Variants in GAB1 observed in about 807,000 individuals in gnomAD.
GAB1 encodes the protein GRB2-associated-binding protein 1.
GAB1 carries 19 observed loss-of-function variants against 66.5 expected under a neutral mutation model. The ratio of observed to expected loss-of-function variants is 0.29; its 90% CI spans 0.20 to 0.42. The LOEUF (loss-of-function observed/expected upper bound fraction) is 0.42. Among genes scored for constraint, GAB1 ranks in the 10% least tolerant of loss-of-function variants. The pLI, the probability that GAB1 is intolerant of heterozygous loss-of-function variation, is 1.00. For missense variants in GAB1, 732 were observed against 858.5 expected (o/e 0.85, Z 1.84); for synonymous variants, 294 against 301.4 (o/e 0.98, Z 0.25).
At chr4:143,452,236 C>T (rs565457331) in intron 6 of GAB1, among the ~76,000 whole-genome samples, 2 of 152,206 alleles carry the variant, frequency 1.3e-5, no homozygotes, top group East Asian at 1.9e-4. Flanking sequence ...AGCCACTGTG[C>T]GTGGCCTGCA....
At chr4:143,345,885 G>T (rs536476649) in intron 1 of GAB1, among the ~76,000 whole-genome samples, 78 of 152,288 alleles carry the variant, frequency 5.1e-4, no homozygotes, top group African/African-American at 1.8e-3. Context: ...AACTCATTTT[G>T]TTGTAGTTTT....
intron 1 of GAB1, among the ~76,000 whole-genome samples, chr4:143,373,868 A>ATATATATATATATATATATATATAT (rs1560725949): frequency 0.01 from 978 of 93,352 alleles, 85 homozygotes; most frequent in South Asian, 0.016. Flanking sequence ...TAAATAAATA[A>ATATATATATATATATATATATATAT]ATATATATAT....
chr4:143,460,216 T>G, intron 7 of GAB1, 148 bp from the exon 8 acceptor site: 1 of 642,866 alleles, frequency 1.6e-6, no homozygotes, highest in Non-Finnish European at 2.6e-6. Context: ...ACACAAAAAT[T>G]ACATCATTAT....
intron 3 of GAB1, among the ~76,000 whole-genome samples, chr4:143,437,304 A>G (rs1310336022): frequency 6.6e-6 from 1 of 152,190 alleles, no homozygotes; most frequent in Non-Finnish European, 1.5e-5. Flanking sequence ...ATTTTGTGAT[A>G]CCTCAAAATG....
At chr4:143,369,633 A>G (rs1730034435) in intron 1 of GAB1, among the ~76,000 whole-genome samples, 1 of 152,202 alleles carries the variant, frequency 6.6e-6, no homozygotes, top group African/African-American at 2.4e-5. Context: ...ATTTCCTCAT[A>G]ACTGCTGTTG....
At position 143,415,708 on chromosome 4, in the gene GAB1, G is replaced by A; in HGVS notation, c.304G>A (p.Glu102Lys). The A allele has an allele frequency of 6.2e-7, 1 of 1,614,026 alleles. No individual in the cohort carries two copies. The highest frequency in any genetic ancestry group is 8.5e-7 in the Non-Finnish European group (1 of 1,179,924). Residue 102 changes from glutamate (E) to lysine (K), a missense_variant, in exon 2 of 10, where the codon GAG (glutamate) becomes AAG (lysine). Coordinates refer to ENST00000262994, the MANE Select transcript of GAB1 (RefSeq NM_002039.4). ...RIFYLVADSEEEMNKWVRCIC... is the reference protein window; with the variant it reads ...RIFYLVADSEKEMNKWVRCIC... ...TTTCTACTTGGTAGCAGACAGCGAG[G>A]AGGAGATGAATAAGTGGGTTCGTTG...
At chr4:143,457,787 G>T in intron 6 of GAB1, 1 of 1,311,730 alleles carries the variant, frequency 7.6e-7, no homozygotes, top group Non-Finnish European at 1.1e-6. Context: ...CTTTAGCACC[G>T]CATGCTGTAT....
chr4:143,394,229 G>A (rs115352790), intron 1 of GAB1, among the ~76,000 whole-genome samples: 3,750 of 152,186 alleles, frequency 0.025, 68 homozygotes, highest in African/African-American at 0.049. Flanking sequence ...AGCCGAGATC[G>A]TGCTACTGCA....
At chr4:143,430,420 T>C (rs888887289) in intron 2 of GAB1, among the ~76,000 whole-genome samples, 13 of 152,178 alleles carry the variant, frequency 8.5e-5, no homozygotes, top group South Asian at 4.1e-4. Flanking sequence ...CTGAAGAAGA[T>C]TAAACATCAT....
At chr4:143,350,317 G>T (rs1729150091) in intron 1 of GAB1, among the ~76,000 whole-genome samples, 1 of 152,210 alleles carries the variant, frequency 6.6e-6, no homozygotes, top group Non-Finnish European at 1.5e-5. Context: ...AGAACGGTGA[G>T]GAGTTACTCA....
At chr4:143,431,374 T>C (rs1414088054) in intron 2 of GAB1, among the ~76,000 whole-genome samples, 1 of 152,132 alleles carries the variant, frequency 6.6e-6, no homozygotes, top group Non-Finnish European at 1.5e-5. Context: ...AATAATTCAG[T>C]TGACTAGAAA....
intron 1 of GAB1, among the ~76,000 whole-genome samples, chr4:143,338,399 C>T (rs931371563): frequency 5.9e-5 from 9 of 152,170 alleles, no homozygotes; most frequent in Non-Finnish European, 1.2e-4. Context: ...TATTAGAGCT[C>T]AGGTTAATCC....
intron 1 of GAB1, among the ~76,000 whole-genome samples, chr4:143,361,072 G>C (rs572074006): frequency 1.4e-4 from 22 of 152,080 alleles, no homozygotes; most frequent in South Asian, 1.2e-3. Flanking sequence ...CACTGTTTCT[G>C]TTGGCATAGT....
chr4:143,351,399 C>CGATGGTCAGCTTGCCTG (rs1729214174), intron 1 of GAB1, among the ~76,000 whole-genome samples: 1 of 152,166 alleles, frequency 6.6e-6, no homozygotes, highest in African/African-American at 2.4e-5. Context: ...TTCGGCCAGT[C>CGATGGTCAGCTTGCCTG]GATGGTCAGC....
intron 1 of GAB1, chr4:143,349,738 C>G (rs2149646999): frequency 2.5e-6 from 4 of 1,587,784 alleles, no homozygotes; most frequent in Admixed American, 1.7e-5. Flanking sequence ...GCACTTAACA[C>G]CCAGACCGAC....
chr4:143,337,231 T>C lies in GAB1; in HGVS notation c.43T>C (p.Ser15Pro). The C allele has an allele frequency of 6.3e-7, 1 of 1,584,354 alleles. No individual in the cohort carries two copies. The highest frequency in any genetic ancestry group is 8.6e-7 in the Non-Finnish European group (1 of 1,165,256). ...GGTCTGCTCCGGATGGCTCCGCAAG[T>C]CCCCCCCGGAGAAAAAGTTGAAGCG... The part of the protein sequence containing the change: ...EVVCSGWLRK[S>P]PPEKKLKRYA... Residue 15 changes from serine (S) to proline (P), a missense_variant, in exon 1 of 10, where the codon TCC (serine) becomes CCC (proline). By Grantham distance (74) the Ser-to-Pro change is moderately conservative. Coordinates refer to ENST00000262994, the MANE Select transcript of GAB1 (RefSeq NM_002039.4).
chr4:143,406,941 A>G (rs1269996492), intron 1 of GAB1, among the ~76,000 whole-genome samples: 1 of 152,216 alleles, frequency 6.6e-6, no homozygotes, highest in Non-Finnish European at 1.5e-5. Flanking sequence ...ACAGTGCTGT[A>G]TTTAGAATTA....
intron 2 of GAB1, among the ~76,000 whole-genome samples, chr4:143,419,508 T>G (rs988879532): frequency 6.6e-5 from 10 of 152,088 alleles, no homozygotes; most frequent in Non-Finnish European, 1.5e-5. Context: ...ATATCCATGG[T>G]TGGGAAAGGG....
chr4:143,360,789 G>T (rs138810216), intron 1 of GAB1, among the ~76,000 whole-genome samples: 2 of 152,094 alleles, frequency 1.3e-5, no homozygotes, highest in Non-Finnish European at 2.9e-5. Flanking sequence ...AAAGTTACTG[G>T]TAATAAGCCA....
Sources: gnomAD v4.1 joint callset for allele counts (sites outside exome capture counted in the v4.1 genomes callset) on GRCh38, gnomAD v4.1.1 for gene constraint, MANE v1.5 for transcripts, NCBI Gene and HGNC (gene_info 2026-07-23, HGNC 2026-07-21) for gene names.